The following ANKRD27 variants were observed in gnomAD, a reference collection of about 807,000 sequenced individuals.
ANKRD27 encodes ankyrin repeat domain-containing protein 27.
In ANKRD27, 112 loss-of-function variants were observed where a neutral mutation model predicts 129.7. That is an observed-to-expected ratio of 0.86 (90% CI 0.74 to 1.01). The LOEUF is 1.01. ANKRD27 is among the 50% of genes least tolerant of loss of function. The probability of loss-of-function intolerance (pLI) is 0.00; values close to 1 mark genes in which losing one functional copy is unlikely to be tolerated. For synonymous variants in ANKRD27, 516 were observed against 511.2 expected (o/e 1.01, Z -0.13); for missense variants, 1,258 against 1,300.5 (o/e 0.97, Z 0.50).
intron 16 of ANKRD27, among the ~76,000 whole-genome samples, chr19:32,626,333 A>G (rs1028670933): frequency 6.6e-6 from 1 of 152,070 alleles, no homozygotes; most frequent in Non-Finnish European, 1.5e-5. Flanking sequence ...ATGCCCAGAT[A>G]ATTTTAAAAA....
intron 22 of ANKRD27, among the ~76,000 whole-genome samples, chr19:32,609,322 T>G (rs1368286027): frequency 1.3e-5 from 2 of 149,790 alleles, no homozygotes; most frequent in Admixed American, 6.6e-5. Flanking sequence ...GGCCTGTAAC[T>G]CCTAGGTGTT....
At chr19:32,631,768 G>C (rs1395743483) in intron 12 of ANKRD27, among the ~76,000 whole-genome samples, 4 of 152,174 alleles carry the variant, frequency 2.6e-5, no homozygotes, top group Non-Finnish European at 5.9e-5. Context: ...GCCATCTCCA[G>C]CGTGGAATGC....
At chr19:32,606,964 A>G (rs1174010330) in intron 23 of ANKRD27, among the ~76,000 whole-genome samples, 2 of 138,768 alleles carry the variant, frequency 1.4e-5, no homozygotes, top group Non-Finnish European at 3.1e-5. Context: ...AAAAAAAAAA[A>G]AAAAAAAAAA....
At chr19:32,618,861 G>A (rs1257624301) in intron 20 of ANKRD27, among the ~76,000 whole-genome samples, 2 of 151,204 alleles carry the variant, frequency 1.3e-5, no homozygotes, top group Non-Finnish European at 3.0e-5. Context: ...CAGTGAGCCC[G>A]GATTGCACCA....
intron 15 of ANKRD27, 152 bp downstream of exon 15, chr19:32,627,931 T>A (rs1293701872): frequency 1.4e-6 from 1 of 706,248 alleles, no homozygotes; most frequent in Non-Finnish European, 2.4e-6. Context: ...CGTTTGCTCC[T>A]CTTCTCCTTC....
chr19:32,604,340 CT>C lies in ANKRD27; in HGVS notation c.2577del (p.Glu860SerfsTer13). ...EAVIEKHVFV[V>X]ELLLLHGASV... is the part of the protein sequence containing the mutation. Reference sequence around the variant, plus strand: ...GACGCTCCGTGGAGCAGAAGCAGCTCTACCACGAAGACGTGCTTTTCAATCA... The same window carrying C: ...GACGCTCCGTGGAGCAGAAGCAGCTCACCACGAAGACGTGCTTTTCAATCA... On this transcript the variant is annotated frameshift_variant, in exon 25 of 29. Transcript: ENST00000306065. LOFTEE classifies it high-confidence loss of function. The C allele has an allele frequency of 6.2e-7, 1 of 1,614,048 alleles. No homozygotes were observed. Among genetic ancestry groups the C allele is most frequent in the Non-Finnish European group, 8.5e-7 (1 of 1,179,932 alleles).
chr19:32,631,593 C>A, intron 12 of ANKRD27, 99 bp from the exon 13 acceptor site: 1 of 912,542 alleles, frequency 1.1e-6, no homozygotes, highest in Non-Finnish European at 1.7e-6. Flanking sequence ...AGAGCAGTAT[C>A]GGCTGCGCCT....
At position 32,605,525 on chromosome 19, in the gene ANKRD27, G is replaced by A. The variant is rs73926100; in HGVS notation, c.2493+310C>T. On this transcript the variant is annotated intron_variant, in intron 24 of 28. Transcript: ENST00000306065. ...ACATAACCTTTTTCAAGAGCAGCAG[G>A]GACAGAGGCGGCCACTCAGCCCATG... 2.6e-3 allele frequency among the ~76,000 whole-genome samples: 392 copies of A among 152,308 alleles called. 2 individuals are homozygous for A. The highest frequency in any genetic ancestry group is 9.0e-3 in the African/African-American group (372 of 41,560).
chr19:32,604,665 G>A (rs988396172), intron 24 of ANKRD27, among the ~76,000 whole-genome samples: 1 of 143,872 alleles, frequency 7.0e-6, no homozygotes, highest in Non-Finnish European at 1.5e-5. Context: ...AGCAGAAACA[G>A]GTTCAAAAAA....
chr19:32,601,116 T>C (rs555208878), intron 26 of ANKRD27, among the ~76,000 whole-genome samples: 5 of 149,122 alleles, frequency 3.4e-5, no homozygotes, highest in South Asian at 4.2e-4. Flanking sequence ...CTGGCCAACA[T>C]TGTGAAACCC....
intron 1 of ANKRD27, among the ~76,000 whole-genome samples, chr19:32,674,789 A>G (rs571070244): frequency 6.6e-6 from 1 of 151,892 alleles, no homozygotes; most frequent in South Asian, 2.1e-4. Context: ...GCCGGTGTCG[A>G]CGCAGCGAGG....
Position 32,619,245 on chromosome 19 carries a change from C to A in ANKRD27, c.2007+15G>T. 1 of 1,606,050 alleles carries A rather than the reference C, an allele frequency of 6.2e-7. No homozygotes were observed. Among genetic ancestry groups the A allele is most frequent in the South Asian group, 1.1e-5 (1 of 90,478 alleles). On this transcript the variant is annotated intron_variant, in intron 20 of 28. Coordinates refer to ENST00000306065, the MANE Select transcript of ANKRD27 (RefSeq NM_032139.3). Reference sequence around the variant, plus strand: ...CAAGGCCTCCCCTCCCCAGCCCTTCCTCTGGAAGCCTCACCTCTCTGTAGT... The same window carrying A: ...CAAGGCCTCCCCTCCCCAGCCCTTCATCTGGAAGCCTCACCTCTCTGTAGT...
At chr19:32,646,724 T>A in intron 3 of ANKRD27, 109 bp from the exon 4 acceptor site, 1 of 1,163,450 alleles carries the variant, frequency 8.6e-7, no homozygotes, top group African/African-American at 1.6e-5. Context: ...TTCACCCCAT[T>A]GTGGGTTTGC....
At position 32,622,593 on chromosome 19, in the gene ANKRD27, G is replaced by A. The variant is rs952138129; in HGVS notation, c.1656C>T (p.Asp552=). 1.6e-5 allele frequency: 26 copies of A among 1,613,754 alleles called. No homozygotes were observed. The highest frequency in any genetic ancestry group is 3.3e-5 in the Admixed American group (2 of 59,976). The change falls in exon 18 of 29, where the codon GAC becomes GAT. Residue 552 remains aspartate, a synonymous_variant. Coordinates refer to ENST00000306065, the MANE Select transcript of ANKRD27 (RefSeq NM_032139.3). ...EDCVKALVYY[D]VESCRLDIGN... ...CAATGTCAAGTCTGCACGACTCCAC[G>A]TCGTAGTAAACCAGAGCCTTCACAC...
chr19:32,645,145 G>A (rs1029313448), intron 4 of ANKRD27, among the ~76,000 whole-genome samples: 52 of 152,298 alleles, frequency 3.4e-4, no homozygotes, highest in Middle Eastern at 3.4e-3. Flanking sequence ...CGGGCGCAGC[G>A]GCTCATGCCT....
At position 32,658,975 on chromosome 19, in the gene ANKRD27, T is replaced by C. The variant is rs750212127; in HGVS notation, c.41A>G (p.Tyr14Cys). 53 of 1,613,898 alleles carry C rather than the reference T, an allele frequency of 3.3e-5. No homozygotes were observed. Among genetic ancestry groups the C allele is most frequent in the Non-Finnish European group, 4.0e-5 (47 of 1,179,978 alleles). ...YDEDLLKNPF[Y>C]LALQKCRPDL... ...AGGGCGGCACTTTTGCAGAGCCAGA[T>C]AGAAAGGATTTTTCAGGAGGTCTTC... Residue 14 changes from tyrosine (Y) to cysteine (C), a missense_variant, in exon 2 of 29, where the codon TAT becomes TGT. Tyr to Cys is a radical substitution (Grantham distance 194). Coordinates refer to ENST00000306065, the MANE Select transcript of ANKRD27 (RefSeq NM_032139.3).
chr19:32,606,939 C>CAAAAAAAAAAAAAAAAAAAAAA (rs532062312), intron 23 of ANKRD27, among the ~76,000 whole-genome samples: 6 of 65,648 alleles, frequency 9.1e-5, no homozygotes, highest in Admixed American at 2.8e-4. Flanking sequence ...CCCATCTCCA[C>CAAAAAAAAAAAAAAAAAAAAAA]AAAAAAAAAA....
At chr19:32,626,621 G>T in intron 16 of ANKRD27, 91 bp downstream of exon 16, 1 of 951,106 alleles carries the variant, frequency 1.1e-6, no homozygotes, top group South Asian at 1.7e-5. Context: ...AGACAGGGGT[G>T]CAGGGTAGCC....
chr19:32,627,064 A>G lies in ANKRD27; in HGVS notation c.1421-237T>C, dbSNP rs76311012. On this transcript the variant is annotated intron_variant, in intron 15 of 28. Coordinates refer to ENST00000306065, the MANE Select transcript of ANKRD27 (RefSeq NM_032139.3). ...AAAGTCCACCTCTCAGCAATAAACA[A>G]TAATGGAAAAGAGACTTAGACTTCC... Among the ~76,000 whole-genome samples, 619 of 152,300 alleles carry G rather than the reference A, an allele frequency of 4.1e-3. 3 individuals are homozygous for G. Among genetic ancestry groups the G allele is most frequent in the African/African-American group, 0.014 (573 of 41,554 alleles).
Sources: allele counts gnomAD v4.1 joint callset (sites outside exome capture counted in the v4.1 genomes callset), GRCh38; gene constraint gnomAD v4.1.1; transcripts MANE v1.5; gene names NCBI Gene and HGNC (gene_info 2026-07-23, HGNC 2026-07-21).